Variants in KCNH1 observed in about 807,000 individuals in gnomAD.
The protein encoded by KCNH1 is voltage-gated delayed rectifier potassium channel KCNH1.
Under a neutral mutation model 69.2 loss-of-function variants are expected in KCNH1, and 27 were observed. The ratio of observed to expected loss-of-function variants is 0.39; its 90% CI spans 0.29 to 0.54. The LOEUF is 0.54. Among genes scored for constraint, KCNH1 ranks in the 20% least tolerant of loss-of-function variants. The pLI, the probability that KCNH1 is intolerant of heterozygous loss-of-function variation, is 0.68. For missense variants in KCNH1, 798 were observed against 1,261.6 expected (o/e 0.63, Z 5.57); for synonymous variants, 456 against 487.7 (o/e 0.93, Z 0.86).
chr1:211,131,181 A>C (rs975262883), intron 1 of KCNH1, among the ~76,000 whole-genome samples: 1 of 152,074 alleles, frequency 6.6e-6, no homozygotes, highest in Non-Finnish European at 1.5e-5. Flanking sequence ...GGCAGACTAG[A>C]TAATATTTAA....
chr1:211,094,126 A>G (rs1691103813), intron 3 of KCNH1, among the ~76,000 whole-genome samples: 1 of 152,064 alleles, frequency 6.6e-6, no homozygotes, highest in Non-Finnish European at 1.5e-5. Flanking sequence ...ATGGAAGACA[A>G]TTTTTCCATG....
intron 10 of KCNH1, among the ~76,000 whole-genome samples, chr1:210,767,082 T>C (rs751178281): frequency 2.0e-5 from 3 of 152,000 alleles, no homozygotes; most frequent in Non-Finnish European, 4.4e-5. Context: ...GAAGGAACAA[T>C]AAATAGGAAA....
At chr1:210,708,499 G>A (rs562028377) in intron 10 of KCNH1, among the ~76,000 whole-genome samples, 5 of 152,054 alleles carry the variant, frequency 3.3e-5, no homozygotes, top group African/African-American at 4.8e-5. Flanking sequence ...CATAGAGTCC[G>A]TAAACAGATT....
Position 210,853,946 on chromosome 1 carries a change from C to CAAAAAAAAAAAAAAAAAAAAAAAAAAAA in KCNH1, c.1463-49781_1463-49780insTTTTTTTTTTTTTTTTTTTTTTTTTTTT, listed in dbSNP as rs11445997. 9.8e-5 allele frequency among the ~76,000 whole-genome samples: 6 copies of CAAAAAAAAAAAAAAAAAAAAAAAAAAAA among 61,532 alleles called. 1 individual carries two copies. The highest frequency in any genetic ancestry group is 3.7e-4 in the African/African-American group (5 of 13,476). The allele number at this position is 61,532 out of a possible 152,430, so 40.4% of individuals were successfully genotyped here. A position where few individuals can be genotyped will look rare whatever the true frequency, so the allele number is the denominator to read the frequency against. ...TAGCAGTAAAAGCATTTATCTAAGC[C>CAAAAAAAAAAAAAAAAAAAAAAAAAAAA]AAAAAAAAAAAAAAAAAAAAAAGAA... is the stretch of plus-strand genomic sequence containing the variant. On this transcript the variant is annotated intron_variant, in intron 7 of 10. Coordinates refer to ENST00000271751, the MANE Select transcript of KCNH1 (RefSeq NM_172362.3).
chr1:210,768,938 G>A (rs972333338), intron 10 of KCNH1, among the ~76,000 whole-genome samples: 5 of 152,030 alleles, frequency 3.3e-5, no homozygotes, highest in Admixed American at 3.3e-4. Context: ...AACAGAACTT[G>A]ATTTTGATTT....
chr1:210,681,922 C>G lies in KCNH1; in HGVS notation c.*1359G>C, dbSNP rs766751643. The G allele has an allele frequency of 2.0e-5, 3 of 152,216 alleles. No homozygotes were observed. Among genetic ancestry groups the G allele is most frequent in the Non-Finnish European group, 4.4e-5 (3 of 68,110 alleles). The allele number at this position is 152,216 out of a possible 1,614,324, so 9.4% of individuals were successfully genotyped here. On this transcript the variant is annotated 3_prime_UTR_variant, in exon 11 of 11. Coordinates refer to ENST00000271751, the MANE Select transcript of KCNH1 (RefSeq NM_172362.3). The stretch of plus-strand genomic sequence containing the variant: ...CTTTCTCAGATGCCATTGAGAGAAG[C>G]CCAAGCACATGAATAACCTGACTTA...
At chr1:210,796,864 C>G (rs543481493) in intron 9 of KCNH1, among the ~76,000 whole-genome samples, 1 of 152,124 alleles carries the variant, frequency 6.6e-6, no homozygotes, top group Non-Finnish European at 1.5e-5. Flanking sequence ...TGTCATCTTT[C>G]TAAAGTACAA....
At chr1:211,087,972 C>G (rs111503587) in intron 4 of KCNH1, among the ~76,000 whole-genome samples, 1 of 152,034 alleles carries the variant, frequency 6.6e-6, no homozygotes, top group Non-Finnish European at 1.5e-5. Flanking sequence ...TGTGTTGGAC[C>G]CTTTGTGGGC....
intron 9 of KCNH1, among the ~76,000 whole-genome samples, chr1:210,777,745 A>T (rs752015914): frequency 5.3e-5 from 8 of 152,196 alleles, no homozygotes; most frequent in Non-Finnish European, 1.0e-4. Context: ...ACATTATGGT[A>T]GGTAGTTAAA....
chr1:210,726,626 TTTATC>T (rs1257869915), intron 10 of KCNH1, among the ~76,000 whole-genome samples: 1 of 152,172 alleles, frequency 6.6e-6, no homozygotes, highest in Admixed American at 6.5e-5. Context: ...ACCCACAACA[TTTATC>T]TTATTTTAAA....
chr1:211,012,724 C>T (rs1352462339), intron 6 of KCNH1, among the ~76,000 whole-genome samples: 2 of 152,086 alleles, frequency 1.3e-5, no homozygotes, highest in Admixed American at 1.3e-4. Context: ...TTGTCCAAAC[C>T]CATAGAATAT....
intron 7 of KCNH1, among the ~76,000 whole-genome samples, chr1:210,884,025 C>A (rs748876096): frequency 2.0e-5 from 3 of 152,166 alleles, no homozygotes; most frequent in Non-Finnish European, 4.4e-5. Context: ...AGCTCTAATC[C>A]ATGTCCCTGT....
chr1:211,082,813 G>A lies in KCNH1; in HGVS notation c.525C>T (p.Gly175=), dbSNP rs1032565443. 4.3e-6 allele frequency: 7 copies of A among 1,613,886 alleles called. No individual in the cohort carries two copies. Among genetic ancestry groups the A allele is most frequent in the Non-Finnish European group, 5.9e-6 (7 of 1,179,970 alleles). ...GGCGGGAGTGCTTGTGGACATTCTC[G>A]CCTTTTTGCACGCTTGGAGCCAGCT... is the stretch of plus-strand genomic sequence containing the variant. ...LQQLAPSVQK[G]ENVHKHSRLA... Residue 175 remains glycine, a synonymous_variant, in exon 5 of 11, where the codon GGC becomes GGT. Coordinates refer to ENST00000271751, the MANE Select transcript of KCNH1 (RefSeq NM_172362.3).
intron 7 of KCNH1, among the ~76,000 whole-genome samples, chr1:210,840,748 A>G (rs1022643170): frequency 1.3e-5 from 2 of 152,152 alleles, no homozygotes; most frequent in Non-Finnish European, 2.9e-5. Context: ...TTTCTGTGGA[A>G]GTTATCATTT....
At chr1:210,708,185 T>C (rs1203423487) in intron 10 of KCNH1, among the ~76,000 whole-genome samples, 1 of 151,984 alleles carries the variant, frequency 6.6e-6, no homozygotes, top group East Asian at 1.9e-4. Context: ...AGCCCATTTA[T>C]GCTGCTTTTA....
At chr1:210,704,166 C>G (rs1681847187) in intron 10 of KCNH1, among the ~76,000 whole-genome samples, 1 of 152,138 alleles carries the variant, frequency 6.6e-6, no homozygotes, top group African/African-American at 2.4e-5. Context: ...GTGTCGAAGG[C>G]AGCAGCTCTT....
chr1:210,885,278 G>A (rs1686577605), intron 7 of KCNH1, among the ~76,000 whole-genome samples: 1 of 152,164 alleles, frequency 6.6e-6, no homozygotes, highest in Admixed American at 6.5e-5. Flanking sequence ...AGCAGGGTGG[G>A]GCATCACCTC....
At chr1:211,112,166 G>C (rs555979862) in intron 1 of KCNH1, among the ~76,000 whole-genome samples, 1 of 127,526 alleles carries the variant, frequency 7.8e-6, no homozygotes, top group Admixed American at 8.1e-5. Context: ...CCACTGCACC[G>C]TCTGGGAAGT....
chr1:210,720,932 T>C (rs961805408), intron 10 of KCNH1, among the ~76,000 whole-genome samples: 5 of 152,200 alleles, frequency 3.3e-5, no homozygotes, highest in Non-Finnish European at 7.3e-5. Context: ...ACTCTGACAT[T>C]GATGTTGTCT....
Sources: allele counts gnomAD v4.1 joint callset (sites outside exome capture counted in the v4.1 genomes callset), GRCh38; gene constraint gnomAD v4.1.1; transcripts MANE v1.5; gene names NCBI Gene and HGNC (gene_info 2026-07-23, HGNC 2026-07-21).